VWC2L: variants seen among roughly 807,000 people sequenced by gnomAD.
VWC2L encodes von Willebrand factor C domain-containing protein 2-like.
Under a neutral mutation model 21.6 loss-of-function variants are expected in VWC2L, and 10 were observed. The ratio of observed to expected loss-of-function variants is 0.46; its 90% confidence interval spans 0.29 to 0.78. VWC2L has a LOEUF of 0.78. VWC2L is among the 30% of genes least tolerant of loss of function. VWC2L has a pLI of 0.10. For synonymous variants in VWC2L, 96 were observed against 94.3 expected (o/e 1.02, Z -0.10); for missense variants, 209 against 277.1 (o/e 0.75, Z 1.74).
intron 3 of VWC2L, among the ~76,000 whole-genome samples, chr2:214,441,207 G>T (rs895438732): frequency 6.6e-6 from 1 of 152,136 alleles, no homozygotes; most frequent in African/African-American, 2.4e-5. Flanking sequence ...ATAAGAAAGA[G>T]AAGGGACTTC....
intron 2 of VWC2L, 50 bp downstream of exon 2, chr2:214,414,633 T>C: frequency 6.4e-7 from 1 of 1,569,294 alleles, no homozygotes; most frequent in African/African-American, 1.4e-5. Context: ...TCATACCACG[T>C]GCTTAGTACA....
intron 3 of VWC2L, among the ~76,000 whole-genome samples, chr2:214,480,352 A>T (rs1167485037): frequency 6.6e-6 from 1 of 152,206 alleles, no homozygotes; most frequent in Admixed American, 6.5e-5. Context: ...AAAAGCAAAG[A>T]TGATTAAGTT....
intron 3 of VWC2L, among the ~76,000 whole-genome samples, chr2:214,531,199 A>G (rs1472561427): frequency 6.6e-6 from 1 of 152,216 alleles, no homozygotes; most frequent in Non-Finnish European, 1.5e-5. Flanking sequence ...CACAGGAAAC[A>G]GGAAAAATGC....
At chr2:214,436,787 G>T in intron 3 of VWC2L, 29 bp downstream of exon 3, 4 of 1,611,704 alleles carry the variant, frequency 2.5e-6, no homozygotes, top group Non-Finnish European at 3.4e-6. Flanking sequence ...AGCTTTTGAA[G>T]AGGGGTTCGC....
chr2:214,507,934 T>G (rs1688990044), intron 3 of VWC2L, among the ~76,000 whole-genome samples: 1 of 152,192 alleles, frequency 6.6e-6, no homozygotes, highest in South Asian at 2.1e-4. Context: ...AAAAAGCCCA[T>G]TAATGTAAGG....
chr2:214,481,113 C>T (rs776140116), intron 3 of VWC2L, among the ~76,000 whole-genome samples: 7 of 152,052 alleles, frequency 4.6e-5, no homozygotes, highest in Non-Finnish European at 1.0e-4. Context: ...ATAATAACAC[C>T]AATGTCCTTC....
chr2:214,555,671 C>T (rs1323090768), intron 3 of VWC2L, among the ~76,000 whole-genome samples: 3 of 152,164 alleles, frequency 2.0e-5, no homozygotes, highest in Admixed American at 6.5e-5. Flanking sequence ...TCTCTACCAT[C>T]CCCACTTCTA....
intron 3 of VWC2L, among the ~76,000 whole-genome samples, chr2:214,528,737 C>T (rs897364113): frequency 2.0e-5 from 3 of 152,024 alleles, no homozygotes; most frequent in Non-Finnish European, 4.4e-5. Flanking sequence ...ATCAAAGTAG[C>T]GGGGAGTTTA....
intron 2 of VWC2L, among the ~76,000 whole-genome samples, chr2:214,425,698 A>C (rs553206525): frequency 6.6e-6 from 1 of 152,182 alleles, no homozygotes; most frequent in African/African-American, 2.4e-5. Flanking sequence ...CACAATCCAC[A>C]GTTTGATCCC....
intron 3 of VWC2L, among the ~76,000 whole-genome samples, chr2:214,486,333 A>G (rs897992897): frequency 2.0e-5 from 3 of 152,232 alleles, no homozygotes; most frequent in African/African-American, 7.2e-5. Context: ...GCACCAATGC[A>G]TGTGAGTTAC....
chr2:214,525,563 G>A (rs1689320561), intron 3 of VWC2L, among the ~76,000 whole-genome samples: 1 of 152,036 alleles, frequency 6.6e-6, no homozygotes, highest in Admixed American at 6.5e-5. Context: ...TCTCTTAACT[G>A]CTCTGGGCAT....
intron 3 of VWC2L, among the ~76,000 whole-genome samples, chr2:214,561,554 T>C (rs1018086145): frequency 2.0e-5 from 3 of 151,974 alleles, no homozygotes; most frequent in Non-Finnish European, 4.4e-5. Flanking sequence ...GATGGGCCAA[T>C]TGCTCGAATC....
At chr2:214,500,786 ATT>A in intron 3 of VWC2L, among the ~76,000 whole-genome samples, 1 of 152,342 alleles carries the variant, frequency 6.6e-6, no homozygotes, top group East Asian at 1.9e-4. Flanking sequence ...AGGTTCAGTT[ATT>A]AAGAGGTGTA....
intron 3 of VWC2L, among the ~76,000 whole-genome samples, chr2:214,458,589 C>A (rs368681775): frequency 2.4e-4 from 36 of 152,134 alleles, no homozygotes; most frequent in African/African-American, 8.2e-4. Context: ...ACCCTCTTAG[C>A]ACAGCTTTTG....
intron 3 of VWC2L, among the ~76,000 whole-genome samples, chr2:214,511,919 TACACAC>T (rs67983945): frequency 3.1e-3 from 450 of 145,264 alleles, no homozygotes; most frequent in South Asian, 5.7e-3. Context: ...TATATACATA[TACACAC>T]ACACACACAC....
intron 3 of VWC2L, among the ~76,000 whole-genome samples, chr2:214,511,935 C>T (rs1689062855): frequency 2.0e-5 from 3 of 150,024 alleles, no homozygotes; most frequent in Middle Eastern, 3.5e-3. Context: ...CACACACACA[C>T]ACACACACAC....
At chr2:214,476,516 A>G (rs1177839077) in intron 3 of VWC2L, among the ~76,000 whole-genome samples, 1 of 152,166 alleles carries the variant, frequency 6.6e-6, no homozygotes, top group East Asian at 1.9e-4. Flanking sequence ...CCGGCTTTCC[A>G]TACTCTGATG....
intron 3 of VWC2L, 30 bp downstream of exon 3, chr2:214,436,788 A>T (rs1485026687): frequency 6.2e-7 from 1 of 1,611,430 alleles, no homozygotes; most frequent in Non-Finnish European, 8.5e-7. Context: ...GCTTTTGAAG[A>T]GGGGTTCGCA....
rs772972126 is a variant in VWC2L at position 214,414,589 on chromosome 2, C to G, written c.390+6C>G. 6 of 1,609,080 alleles carry G rather than the reference C, an allele frequency of 3.7e-6. No homozygotes were observed. The highest frequency in any genetic ancestry group is 5.1e-6 in the Non-Finnish European group (6 of 1,178,570). ...AAATCTTGGAGGAATTTAAGGTATG[C>G]GTTACCCTCCATATTTATTGAAATA... On this transcript the variant is annotated splice_donor_region_variant and intron_variant, in intron 2 of 3. Coordinates refer to ENST00000312504, the MANE Select transcript of VWC2L (RefSeq NM_001080500.4).
Sources: allele counts gnomAD v4.1 joint callset (sites outside exome capture counted in the v4.1 genomes callset), GRCh38; gene constraint gnomAD v4.1.1; transcripts MANE v1.5; gene names NCBI Gene and HGNC (gene_info 2026-07-23, HGNC 2026-07-21).